Variants in NOTCH1 observed in about 807,000 individuals in gnomAD.
The protein encoded by NOTCH1 is notch receptor 1.
NOTCH1 carries 37 observed loss-of-function variants against 254.8 expected under a neutral mutation model. The ratio of observed to expected loss-of-function variants is 0.15; its 90% CI spans 0.11 to 0.19. The LOEUF is 0.19. Among genes scored for constraint, NOTCH1 ranks in the 10% least tolerant of loss-of-function variants. NOTCH1 has a pLI of 1.00. For synonymous variants in NOTCH1, 1,731 were observed against 1,618.1 expected (o/e 1.07, Z -1.68); for missense variants, 2,972 against 3,708.6 (o/e 0.80, Z 5.16).
chr9:136,502,999 T>A, intron 27 of NOTCH1, 183 bp downstream of exon 27: 1 of 870,612 alleles, frequency 1.1e-6, no homozygotes, highest in South Asian at 1.4e-5. Flanking sequence ...CACCGGCAGC[T>A]GTGACCGCCG....
intron 2 of NOTCH1, 197 bp downstream of exon 2, chr9:136,543,827 C>T (rs1843769250): frequency 1.5e-6 from 1 of 669,290 alleles, no homozygotes; most frequent in African/African-American, 1.8e-5. Flanking sequence ...AGCAGCCAGA[C>T]CAGCTCCACA....
rs61751490 is a variant in NOTCH1 at position 136,496,962 on chromosome 9, A to G, written c.6777T>C (p.Gly2259=). The change falls in exon 34 of 34, where the codon GGT becomes GGC. Residue 2259 remains glycine (G), a synonymous_variant. Coordinates refer to ENST00000651671, the MANE Select transcript of NOTCH1 (RefSeq NM_017617.5). ...VAAKPEMAAL[G]GGGRLAFETG... ...TCTCAAAGGCCAGCCGGCCGCCCCC[A>G]CCCAGCGCCGCCATCTCGGGCTTGG... 1.1e-3 allele frequency: 1,765 copies of G among 1,609,914 alleles called. 17 individuals are homozygous for G. The African/African-American group carries it at 0.021, about 19-fold the overall frequency.
intron 33 of NOTCH1, among the ~76,000 whole-genome samples, chr9:136,498,389 C>T (rs1842948809): frequency 6.6e-6 from 1 of 152,182 alleles, no homozygotes; most frequent in African/African-American, 2.4e-5. Flanking sequence ...AGTCCTGAGA[C>T]TTCTTCCTCT....
chr9:136,535,221 G>A (rs1589079584), intron 2 of NOTCH1, among the ~76,000 whole-genome samples: 1 of 151,946 alleles, frequency 6.6e-6, no homozygotes, highest in African/African-American at 2.4e-5. Flanking sequence ...CGCCCAGCGG[G>A]TGCAGCCAGG....
intron 2 of NOTCH1, among the ~76,000 whole-genome samples, chr9:136,530,985 C>T (rs1459802691): frequency 3.5e-4 from 54 of 152,258 alleles, no homozygotes; most frequent in Admixed American, 3.4e-3. Flanking sequence ...CAGATCCTGT[C>T]GCTGGGGGTG....
At chr9:136,543,489 A>G in intron 2 of NOTCH1, 1 of 284,372 alleles carries the variant, frequency 3.5e-6, no homozygotes, top group South Asian at 2.8e-5. Flanking sequence ...AGGAGGCATC[A>G]CGCACCCAGA....
chr9:136,516,398 G>T (rs1010138207), intron 9 of NOTCH1, among the ~76,000 whole-genome samples: 15 of 152,222 alleles, frequency 9.9e-5, no homozygotes, highest in African/African-American at 3.6e-4. Flanking sequence ...TCTGGGACGG[G>T]TAATCTATGT....
rs149057410 is a variant in NOTCH1, at chr9:136,506,571, C to A, written c.3970G>T (p.Val1324Leu). The A allele has an allele frequency of 4.4e-5, 71 of 1,610,354 alleles. No individual in the cohort carries two copies. The highest frequency in any genetic ancestry group is 2.0e-4 in the Admixed American group (12 of 59,820). Reference sequence around the variant, plus strand: ...AACCCGCGGGCGGTGTTGGAGGCCACGGCGCAGGTGCCCCCATTCTTGCAG... The same window carrying A: ...AACCCGCGGGCGGTGTTGGAGGCCAAGGCGCAGGTGCCCCCATTCTTGCAG... ...KPCKNGGTCA[V>L]ASNTARGFIC... Residue 1324 changes from valine to leucine, a missense_variant, in exon 24 of 34, where the codon GTG (valine) becomes TTG (leucine). By Grantham distance (32) the Val-to-Leu change is conservative (BLOSUM62 1). Coordinates refer to ENST00000651671, the MANE Select transcript of NOTCH1 (RefSeq NM_017617.5). The surrounding 1 kb of genome is among the most constrained non-coding windows in gnomAD (Gnocchi z 4.5).
chr9:136,515,751 A>T (rs2133364597), intron 10 of NOTCH1, 35 bp from the exon 11 acceptor site: 1 of 1,518,788 alleles, frequency 6.6e-7, no homozygotes, highest in Non-Finnish European at 8.8e-7. Context: ...AGGAAGACTT[A>T]GGACTGGCGG....
chr9:136,532,590 C>A (rs1843579436), intron 2 of NOTCH1, among the ~76,000 whole-genome samples: 1 of 152,210 alleles, frequency 6.6e-6, no homozygotes, highest in African/African-American at 2.4e-5. Flanking sequence ...GACCCAGCTA[C>A]ACCTCCCACA....
intron 16 of NOTCH1, 89 bp downstream of exon 16, chr9:136,511,063 G>T: frequency 6.3e-7 from 1 of 1,591,140 alleles, no homozygotes; most frequent in Non-Finnish European, 8.6e-7. Context: ...CCTCTTCAAA[G>T]ACTCATCTAG....
chr9:136,523,431 C>A (rs1843407154), intron 3 of NOTCH1, among the ~76,000 whole-genome samples: 1 of 152,260 alleles, frequency 6.6e-6, no homozygotes, highest in African/African-American at 2.4e-5. Flanking sequence ...TTCACCCTAA[C>A]AGGTGAGGGC....
intron 2 of NOTCH1, among the ~76,000 whole-genome samples, chr9:136,537,481 T>C (rs954690330): frequency 2.0e-5 from 3 of 152,164 alleles, no homozygotes; most frequent in African/African-American, 7.2e-5. Flanking sequence ...TGACAGTATT[T>C]GGGTACAGTT....
rs750185397 is a variant in NOTCH1, at chr9:136,500,825, G to A, written c.5661C>T (p.Ile1887=). Residue 1887 remains isoleucine, a synonymous_variant, in exon 31 of 34, where the codon ATC becomes ATT. Coordinates refer to ENST00000651671, the MANE Select transcript of NOTCH1 (RefSeq NM_017617.5). The part of the protein sequence containing the change: ...RGPDGFTPLM[I]ASCSGGGLET... ...CCAGGCCGCCCCCGCTGCAGGAGGC[G>A]ATCATGAGCGGGGTGAAGCCATCTG... 5.0e-6 allele frequency: 8 copies of A among 1,597,160 alleles called. No individual in the cohort carries two copies. The Admixed American group carries it at 6.7e-5, about 13-fold the overall frequency.
rs3812609 is a variant in NOTCH1, at chr9:136,514,440, C to T, written c.2207+70G>A. 0.17 allele frequency: 249,567 copies of T among 1,496,136 alleles called. 22,310 individuals are homozygous for T. Among genetic ancestry groups the T allele is most frequent in the South Asian group, 0.29 (24,039 of 83,046 alleles). The allele number at this position is 1,496,136 out of a possible 1,614,324, so 92.7% of individuals were successfully genotyped here. On this transcript the variant is annotated intron_variant, in intron 13 of 33. Coordinates refer to ENST00000651671, the MANE Select transcript of NOTCH1 (RefSeq NM_017617.5). ...GCCCATCTCAAGCTCTGTGCAGGTG[C>T]CACCCTCCTGGCAGCAGAGCTCCCA...
chr9:136,520,732 CAA>C (rs10711760), intron 4 of NOTCH1, among the ~76,000 whole-genome samples: 21,446 of 140,526 alleles, frequency 0.15, 1,741 homozygotes, highest in Admixed American at 0.21. Context: ...AGACCTGTCT[CAA>C]AAAAAAAAAA....
At chr9:136,507,860 G>C in intron 21 of NOTCH1, 95 bp downstream of exon 21, 1 of 1,297,712 alleles carries the variant, frequency 7.7e-7, no homozygotes, top group South Asian at 1.2e-5. Flanking sequence ...GGCCTATCAG[G>C]TTCAGTTTTC....
chr9:136,544,916 G>A (rs1436127956), intron 1 of NOTCH1, among the ~76,000 whole-genome samples: 1 of 152,172 alleles, frequency 6.6e-6, no homozygotes, highest in Admixed American at 6.5e-5. Flanking sequence ...GGGGGAGGGG[G>A]GTGTGACACA....
intron 4 of NOTCH1, among the ~76,000 whole-genome samples, chr9:136,519,966 G>T (rs966147539): frequency 6.6e-6 from 1 of 152,180 alleles, no homozygotes; most frequent in Non-Finnish European, 1.5e-5. Context: ...GCAGCAGGGG[G>T]ACATGGGGCC....
Sources: gnomAD v4.1 joint callset for allele counts (sites outside exome capture counted in the v4.1 genomes callset) on GRCh38, gnomAD v4.1.1 for gene constraint, Gnocchi (gnomAD v3.1) non-coding constraint, MANE v1.5 for transcripts, NCBI Gene and HGNC (gene_info 2026-07-23, HGNC 2026-07-21) for gene names.